ORC5: variants seen among roughly 807,000 people sequenced by gnomAD.
ORC5 encodes protein phosphatase 1, regulatory subunit 117.
Under a neutral mutation model 58.8 loss-of-function variants are expected in ORC5, and 39 were observed. That is an observed-to-expected ratio of 0.66 (90% CI 0.51 to 0.87). ORC5 has a LOEUF of 0.87. ORC5 is among the 40% of genes least tolerant of loss of function. The pLI, the probability that ORC5 is intolerant of heterozygous loss-of-function variation, is 0.00. For missense variants in ORC5, 493 were observed against 506.3 expected (o/e 0.97, Z 0.25); for synonymous variants, 218 against 177.6 (o/e 1.23, Z -1.81).
In ORC5 at chr7:104,180,530, T is replaced by C. The variant is rs571523705; in HGVS notation, c.824+3413A>G. 1.3e-3 allele frequency among the ~76,000 whole-genome samples: 195 copies of C among 152,262 alleles called. 1 individual carries two copies. The highest frequency in any genetic ancestry group is 2.0e-3 in the Non-Finnish European group (135 of 68,020). ...TGTTTTGATCAGGTGTTTTAAACCT[T>C]TTCACATCTTTGATAGACCTCCCTC... On this transcript the variant is annotated intron_variant, in intron 8 of 13. Transcript: ENST00000297431.
chr7:104,190,101 T>C (rs1013312003), intron 5 of ORC5, among the ~76,000 whole-genome samples: 1 of 152,132 alleles, frequency 6.6e-6, no homozygotes, highest in Non-Finnish European at 1.5e-5. Context: ...CAGAAGTGTT[T>C]TGAGTAAAAA....
At position 104,129,361 on chromosome 7, in the gene ORC5, T is replaced by C. The variant is rs1349382069; in HGVS notation, c.1263-2468A>G. Among the ~76,000 whole-genome samples, 8 of 152,208 alleles carry C rather than the reference T, an allele frequency of 5.3e-5. No individual in the cohort carries two copies. In the South Asian group the frequency reaches 1.0e-3, roughly 20 times the overall value. On this transcript the variant is annotated intron_variant, in intron 13 of 13. Transcript: ENST00000297431. The surrounding 1 kb of genome is among the most constrained non-coding windows in gnomAD (Gnocchi z 4.9). Reference sequence around the variant, plus strand: ...GTACTTTGTCAGTGGTAAGTATTCATGCAAACTGAATCATAGTAAGAGTTT... The same window carrying C: ...GTACTTTGTCAGTGGTAAGTATTCACGCAAACTGAATCATAGTAAGAGTTT...
chr7:104,140,025 C>T (rs556074177), intron 12 of ORC5, among the ~76,000 whole-genome samples: 1 of 152,012 alleles, frequency 6.6e-6, no homozygotes, highest in East Asian at 1.9e-4. Flanking sequence ...TATAATAACC[C>T]TTTTATTCTC....
At chr7:104,145,436 A>C (rs1409247336) in intron 12 of ORC5, among the ~76,000 whole-genome samples, 2 of 152,182 alleles carry the variant, frequency 1.3e-5, no homozygotes, top group Non-Finnish European at 2.9e-5. Context: ...TGTTGGAAAA[A>C]AAAGCTCTCT....
chr7:104,176,657 C>T (rs1451565775), intron 8 of ORC5, among the ~76,000 whole-genome samples: 1 of 144,132 alleles, frequency 6.9e-6, no homozygotes, highest in Admixed American at 7.0e-5. Flanking sequence ...TTTGTGAGGT[C>T]CCCTTTGCCA....
rs774940496 is a variant in ORC5 at position 104,184,154 on chromosome 7, A to C, written c.702T>G (p.Pro234=). The change falls in exon 7 of 14, where the codon CCT becomes CCG. Residue 234 remains proline (P), a synonymous_variant. Transcript: ENST00000297431. ...ELRHLAVLNF[P]KYCEPVVKGE... ...CTTTAACCACGGGTTCACAATATTT[A>C]GGAAAATTAAGTACTGCCTGTAAGT... The C allele has an allele frequency of 1.3e-6, 2 of 1,573,748 alleles. No individual in the cohort carries two copies. Among genetic ancestry groups the C allele is most frequent in the East Asian group, 4.5e-5 (2 of 44,426 alleles).
At chr7:104,191,044 T>C (rs766778357) in intron 5 of ORC5, among the ~76,000 whole-genome samples, 20 of 150,578 alleles carry the variant, frequency 1.3e-4, no homozygotes, top group Non-Finnish European at 3.0e-4. Context: ...CCTAGTTTTA[T>C]ACTTAGAATA....
chr7:104,207,914 C>A lies in ORC5; in HGVS notation c.-10G>T. 1 of 1,613,866 alleles carries A rather than the reference C, an allele frequency of 6.2e-7. No homozygotes were observed. The highest frequency in any genetic ancestry group is 8.5e-7 in the Non-Finnish European group (1 of 1,179,826). ...TTTCCAAGTGGGGCATTCTGGCAGG[C>A]ACCACCGCAGAGGCCAGTGCAGCCA... is the stretch of plus-strand genomic sequence containing the variant. On this transcript the variant is annotated 5_prime_UTR_variant, in exon 1 of 14. Coordinates refer to ENST00000297431, the MANE Select transcript of ORC5 (RefSeq NM_002553.4).
intron 8 of ORC5, among the ~76,000 whole-genome samples, chr7:104,168,919 T>C (rs1562815812): frequency 6.6e-6 from 1 of 151,946 alleles, no homozygotes; most frequent in Non-Finnish European, 1.5e-5. Context: ...CCATCTCTAT[T>C]AAAAATACAA....
chr7:104,183,043 G>A (rs973178769), intron 8 of ORC5, among the ~76,000 whole-genome samples: 2 of 152,158 alleles, frequency 1.3e-5, no homozygotes, highest in African/African-American at 4.8e-5. Flanking sequence ...GCTGAGGCAG[G>A]AGATTCACTT....
intron 12 of ORC5, among the ~76,000 whole-genome samples, chr7:104,140,416 T>C (rs777239024): frequency 1.3e-5 from 2 of 152,242 alleles, no homozygotes; most frequent in South Asian, 2.1e-4. Context: ...AGTAGTTCTA[T>C]AGTCCTTTTA....
intron 8 of ORC5, among the ~76,000 whole-genome samples, chr7:104,174,168 T>C (rs1017309864): frequency 1.3e-5 from 2 of 152,042 alleles, no homozygotes; most frequent in African/African-American, 2.4e-5. Flanking sequence ...AATACTCTTA[T>C]CTTGGTTTCA....
rs1473077678 is a variant in ORC5, at chr7:104,165,286, C to T, written c.991-4G>A. 6.6e-7 allele frequency: 1 copy of T among 1,517,330 alleles called. No homozygotes were observed. Among genetic ancestry groups the T allele is most frequent in the Non-Finnish European group, 9.0e-7 (1 of 1,107,858 alleles). 94.0% of individuals were successfully genotyped at this position (1,517,330 alleles called of 1,614,324 possible). On this transcript the variant is annotated splice_region_variant and splice_polypyrimidine_tract_variant and intron_variant, in intron 10 of 13. Coordinates refer to ENST00000297431, the MANE Select transcript of ORC5 (RefSeq NM_002553.4). ...TTTTCTTGATTTTTCCATGATGCTG[C>T]AATTAAGGAAAACAAATTTTAAGTT...
intron 12 of ORC5, among the ~76,000 whole-genome samples, chr7:104,150,374 GCAC>G (rs1248401198): frequency 6.6e-6 from 1 of 151,966 alleles, no homozygotes; most frequent in Non-Finnish European, 1.5e-5. Flanking sequence ...AACCCAACAA[GCAC>G]CACATTTGAT....
chr7:104,168,441 T>G, intron 9 of ORC5, 32 bp downstream of exon 9: 1 of 1,604,458 alleles, frequency 6.2e-7, no homozygotes, highest in South Asian at 1.1e-5. Flanking sequence ...AAGAAGTATC[T>G]CCGGTAACTG....
intron 6 of ORC5, among the ~76,000 whole-genome samples, chr7:104,186,881 T>A (rs7778396): frequency 0.61 from 93,334 of 151,930 alleles, 30,628 homozygotes; most frequent in Non-Finnish European, 0.75. Context: ...TATTATTTTT[T>A]AAAAAGCTGT....
At chr7:104,182,364 T>C (rs563417120) in intron 8 of ORC5, among the ~76,000 whole-genome samples, 1 of 152,314 alleles carries the variant, frequency 6.6e-6, no homozygotes, top group Non-Finnish European at 1.5e-5. Context: ...TTACTCCTCT[T>C]AATGCCTACC....
intron 8 of ORC5, among the ~76,000 whole-genome samples, chr7:104,174,465 G>C (rs191154734): frequency 1.3e-3 from 195 of 152,278 alleles, no homozygotes; most frequent in African/African-American, 4.3e-3. Flanking sequence ...ATTCCAGCCA[G>C]CTATATTATG....
chr7:104,174,736 G>A (rs1251665565), intron 8 of ORC5, among the ~76,000 whole-genome samples: 3 of 152,184 alleles, frequency 2.0e-5, no homozygotes, highest in Non-Finnish European at 4.4e-5. Context: ...AGTTGGGTAG[G>A]TAAGCTCAGG....
Sources: allele counts gnomAD v4.1 joint callset (sites outside exome capture counted in the v4.1 genomes callset), GRCh38; gene constraint gnomAD v4.1.1; non-coding constraint Gnocchi (gnomAD v3.1); transcripts MANE v1.5; gene names NCBI Gene and HGNC (gene_info 2026-07-23, HGNC 2026-07-21).